The following PDGFD variants were observed in gnomAD, a reference collection of about 807,000 sequenced individuals.
PDGFD encodes platelet derived growth factor D.
In PDGFD, 30 loss-of-function variants were observed where a neutral mutation model predicts 44.7. The ratio of observed to expected loss-of-function variants is 0.67; its 90% CI spans 0.50 to 0.91. PDGFD has a LOEUF of 0.91. Ranked by LOEUF, PDGFD falls within the 40% of genes least tolerant of loss-of-function variation. The probability of loss-of-function intolerance (pLI) is 0.00; values close to 1 mark genes in which losing one functional copy is unlikely to be tolerated. For synonymous variants in PDGFD, 173 were observed against 168.4 expected (o/e 1.03, Z -0.21); for missense variants, 445 against 457.8 (o/e 0.97, Z 0.25).
At chr11:103,955,666 A>G (rs1858831550) in intron 3 of PDGFD, among the ~76,000 whole-genome samples, 1 of 152,238 alleles carries the variant, frequency 6.6e-6, no homozygotes. Flanking sequence ...AGAATCAATA[A>G]TTAACAAGAA....
intron 6 of PDGFD, among the ~76,000 whole-genome samples, chr11:103,914,139 A>T (rs908263995): frequency 6.6e-6 from 1 of 152,170 alleles, no homozygotes; most frequent in African/African-American, 2.4e-5. Flanking sequence ...TTAGGTCCAG[A>T]GTAGGCCTGC....
chr11:104,078,941 T>C (rs1861006303), intron 1 of PDGFD, among the ~76,000 whole-genome samples: 1 of 152,176 alleles, frequency 6.6e-6, no homozygotes, highest in African/African-American at 2.4e-5. Context: ...AAAGAAAGCC[T>C]CCACTTAGCA....
At chr11:104,032,280 G>T (rs1303648827) in intron 1 of PDGFD, among the ~76,000 whole-genome samples, 5 of 152,250 alleles carry the variant, frequency 3.3e-5, no homozygotes, top group Non-Finnish European at 7.4e-5. Context: ...ACAATTTATT[G>T]TATTACTGTA....
intron 1 of PDGFD, among the ~76,000 whole-genome samples, chr11:104,146,241 A>G (rs958019447): frequency 2.6e-5 from 4 of 152,230 alleles, no homozygotes; most frequent in African/African-American, 9.6e-5. Context: ...TTACATTAAC[A>G]TGTAGGACTG....
In PDGFD at chr11:104,098,507, C is replaced by T. The variant is rs1177388024; in HGVS notation, c.124+65297G>A. ...GGGGAAATATTTTCCTTCTGTTTCT[C>T]TTTTTTTTTTTTTTTGAGACAGGGT... On this transcript the variant is annotated intron_variant, in intron 1 of 6. Coordinates refer to ENST00000393158, the MANE Select transcript of PDGFD (RefSeq NM_025208.5). Among the ~76,000 whole-genome samples, 4 of 140,324 alleles carry T rather than the reference C, an allele frequency of 2.9e-5. No homozygotes were observed. The East Asian group carries it at 6.2e-4, about 22-fold the overall frequency. 92.1% of individuals were successfully genotyped at this position (140,324 alleles called of 152,430 possible).
chr11:104,120,774 A>C (rs551517122), intron 1 of PDGFD, among the ~76,000 whole-genome samples: 1 of 152,012 alleles, frequency 6.6e-6, no homozygotes, highest in South Asian at 2.1e-4. Context: ...CTATCCTGTC[A>C]CAAGGAGCCA....
intron 6 of PDGFD, among the ~76,000 whole-genome samples, chr11:103,921,348 CT>C (rs1348415453): frequency 1.3e-5 from 2 of 152,258 alleles, no homozygotes; most frequent in South Asian, 4.1e-4. Flanking sequence ...AATTTATTTT[CT>C]GTTTCTTTGG....
chr11:103,994,488 G>A (rs762404989), intron 3 of PDGFD, among the ~76,000 whole-genome samples: 15 of 152,062 alleles, frequency 9.9e-5, no homozygotes, highest in Admixed American at 2.0e-4. Flanking sequence ...CAGTGTTACC[G>A]CATGTTATTT....
intron 1 of PDGFD, among the ~76,000 whole-genome samples, chr11:104,040,256 C>T (rs116048484): frequency 0.013 from 1,931 of 152,072 alleles, 34 homozygotes; most frequent in African/African-American, 0.044. Flanking sequence ...AAAAATTTCA[C>T]GTTTCTTTGG....
intron 1 of PDGFD, chr11:104,036,658 C>T (rs1220842645): frequency 1.6e-6 from 1 of 629,462 alleles, no homozygotes. Flanking sequence ...TGGGAGACAG[C>T]CCCCAGACAG....
At position 104,163,847 on chromosome 11, in the gene PDGFD, G is replaced by A. The variant is rs780686196; in HGVS notation, c.81C>T (p.Ser27=). Residue 27 remains serine, a synonymous_variant, in exon 1 of 7, where the codon AGC becomes AGT. Transcript: ENST00000393158. ...SCRDTSATPQ[S]ASIKALRNAN... ...CGTTGCGCAAAGCTTTGATGGATGC[G>A]CTCTGCGGGGTTGCAGAAGTGTCCC... is the stretch of plus-strand genomic sequence containing the variant. 3.2e-6 allele frequency: 5 copies of A among 1,574,762 alleles called. No homozygotes were observed. The highest frequency in any genetic ancestry group is 1.7e-6 in the Non-Finnish European group (2 of 1,151,450).
intron 3 of PDGFD, among the ~76,000 whole-genome samples, chr11:103,984,708 G>A (rs1286955769): frequency 6.7e-6 from 1 of 149,788 alleles, no homozygotes; most frequent in Non-Finnish European, 1.5e-5. Flanking sequence ...CCATAATGTT[G>A]ATTTAAAAAA....
At chr11:104,087,869 A>G (rs1235781613) in intron 1 of PDGFD, among the ~76,000 whole-genome samples, 2 of 152,226 alleles carry the variant, frequency 1.3e-5, no homozygotes, top group East Asian at 3.9e-4. Flanking sequence ...GGCCTAGACT[A>G]GTTTGTAATA....
At chr11:104,133,481 G>A (rs1316943078) in intron 1 of PDGFD, among the ~76,000 whole-genome samples, 2 of 152,096 alleles carry the variant, frequency 1.3e-5, no homozygotes, top group Non-Finnish European at 2.9e-5. Flanking sequence ...ATACAATGAA[G>A]ATATCCAGCC....
intron 3 of PDGFD, among the ~76,000 whole-genome samples, chr11:103,973,305 A>AT (rs35172142): frequency 0.27 from 38,745 of 144,128 alleles, 5,694 homozygotes; most frequent in Admixed American, 0.44. Flanking sequence ...TGCCCGGCCA[A>AT]TTTTTTTTTT....
intron 1 of PDGFD, among the ~76,000 whole-genome samples, chr11:104,128,706 A>G (rs1047915639): frequency 6.6e-6 from 1 of 152,296 alleles, no homozygotes. Flanking sequence ...ATTTTACCTC[A>G]ATAAGTGTCA....
At chr11:103,976,808 G>A (rs1715586454) in intron 3 of PDGFD, among the ~76,000 whole-genome samples, 1 of 152,052 alleles carries the variant, frequency 6.6e-6, no homozygotes, top group Admixed American at 6.6e-5. Flanking sequence ...AGAAAATCAT[G>A]TGGTTTTTTG....
chr11:104,091,736 T>C (rs1379112653), intron 1 of PDGFD, among the ~76,000 whole-genome samples: 7 of 152,292 alleles, frequency 4.6e-5, no homozygotes, highest in African/African-American at 1.2e-4. Context: ...ATAATAGCCA[T>C]TATATAACTA....
chr11:103,951,895 T>A (rs950916001), intron 3 of PDGFD, among the ~76,000 whole-genome samples: 2 of 152,238 alleles, frequency 1.3e-5, no homozygotes, highest in Non-Finnish European at 2.9e-5. Context: ...TTTCCTCAAG[T>A]GAAATCACAC....
Sources: gnomAD v4.1 joint callset for allele counts (sites outside exome capture counted in the v4.1 genomes callset) on GRCh38, gnomAD v4.1.1 for gene constraint, MANE v1.5 for transcripts, NCBI Gene and HGNC (gene_info 2026-07-23, HGNC 2026-07-21) for gene names.